CCM2: variants seen among roughly 807,000 people sequenced by gnomAD.
CCM2 encodes cerebral cavernous malformations 2 protein.
In CCM2, 25 loss-of-function variants were observed where a neutral mutation model predicts 44.9. The ratio of observed to expected loss-of-function variants is 0.56; its 90% CI spans 0.41 to 0.78. The LOEUF (loss-of-function observed/expected upper bound fraction) is 0.78, where lower values mean the gene tolerates loss of function less well. Ranked by LOEUF, CCM2 falls within the 30% of genes least tolerant of loss-of-function variation. The pLI is 0.00. For synonymous variants in CCM2, 219 were observed against 241.1 expected, an observed-to-expected ratio of 0.91 and a Z score of 0.85; for missense variants, 481 against 580.6, an observed-to-expected ratio of 0.83 and a Z score of 1.76.
At chr7:45,073,236 C>T (rs553245516) in intron 7 of CCM2, 6 of 604,522 alleles carry the variant, frequency 9.9e-6, no homozygotes, top group East Asian at 8.4e-5. Flanking sequence ...CCTCTCTTCA[C>T]TCAGAGCCCA....
intron 7 of CCM2, chr7:45,073,230 T>A (rs1016651302): frequency 1.0e-4 from 62 of 600,836 alleles, no homozygotes; most frequent in African/African-American, 9.6e-4. Flanking sequence ...GTACTCCCTC[T>A]CTTCACTCAG....
intron 2 of CCM2, among the ~76,000 whole-genome samples, chr7:45,049,374 A>C (rs1375757684): frequency 6.6e-6 from 1 of 152,248 alleles, no homozygotes; most frequent in Non-Finnish European, 1.5e-5. Flanking sequence ...GGAATTGCTG[A>C]CACCAGCTTC....
At chr7:45,007,043 T>C (rs1795874251) in intron 1 of CCM2, among the ~76,000 whole-genome samples, 1 of 152,180 alleles carries the variant, frequency 6.6e-6, no homozygotes, top group Non-Finnish European at 1.5e-5. Context: ...TTGCTGGTCA[T>C]TCTGGCCTCA....
intron 2 of CCM2, among the ~76,000 whole-genome samples, chr7:45,045,576 G>A (rs571288707): frequency 1.3e-5 from 2 of 152,330 alleles, no homozygotes; most frequent in South Asian, 2.1e-4. Flanking sequence ...TGGATCACAA[G>A]GTCAGGAGAT....
chr7:45,037,056 A>G (rs558926115), intron 1 of CCM2, among the ~76,000 whole-genome samples: 91 of 152,190 alleles, frequency 6.0e-4, no homozygotes, highest in Non-Finnish European at 1.1e-3. Context: ...CTGCGGCTGC[A>G]CATCAGTGTC....
chr7:45,053,021 GC>G (rs1798084302), intron 2 of CCM2, among the ~76,000 whole-genome samples: 1 of 152,202 alleles, frequency 6.6e-6, no homozygotes. Context: ...TGGGCAGATG[GC>G]CACCAGTGGA....
chr7:45,068,633 A>G (rs948068706), intron 5 of CCM2, 54 bp downstream of exon 5: 2 of 1,609,368 alleles, frequency 1.2e-6, no homozygotes, highest in Admixed American at 1.7e-5. Flanking sequence ...GACCCTGCTC[A>G]TGGCCAGCCC....
At chr7:45,003,851 T>C (rs537229867) in intron 1 of CCM2, among the ~76,000 whole-genome samples, 1 of 152,338 alleles carries the variant, frequency 6.6e-6, no homozygotes, top group South Asian at 2.1e-4. Context: ...TAAATATTTT[T>C]ACATTCATCT....
rs1798988505 is a variant in CCM2 at position 45,070,074 on chromosome 7, T to C, written c.745+113T>C. 14 of 1,388,096 alleles carry C rather than the reference T, an allele frequency of 1.0e-5. No individual in the cohort carries two copies. In the South Asian group the frequency reaches 1.5e-4, roughly 14 times the overall value. The allele number at this position is 1,388,096 out of a possible 1,614,324, so 86.0% of individuals were successfully genotyped here. ...GAATAGCGCAGTTACTGCCGTGACA[T>C]GGTGGCCTTTTGTTTCCAGACTTTG... is the stretch of plus-strand genomic sequence containing the variant. On this transcript the variant is annotated intron_variant, in intron 6 of 9. Transcript: ENST00000258781.
At chr7:45,071,343 A>G (rs1799061891) in intron 6 of CCM2, 1 of 157,052 alleles carries the variant, frequency 6.4e-6, no homozygotes, top group African/African-American at 2.4e-5. Flanking sequence ...GTACAGTTGA[A>G]TGAATTTTCA....
rs528745741 is a variant in CCM2, at chr7:45,064,765, A to G, written c.472+119A>G. The G allele has an allele frequency of 3.9e-6, 4 of 1,028,370 alleles. No homozygotes were observed. The highest frequency in any genetic ancestry group is 5.8e-6 in the Non-Finnish European group (4 of 685,044). 63.7% of individuals were successfully genotyped at this position (1,028,370 alleles called of 1,614,324 possible). ...TGGGTGCTGCTGTTTGTCACGACCA[A>G]TAATTGTCTTTCCTGTCTCTGAGAT... On this transcript the variant is annotated intron_variant, in intron 4 of 9. Transcript: ENST00000258781.
At chr7:45,008,572 G>A (rs1795941234) in intron 1 of CCM2, among the ~76,000 whole-genome samples, 1 of 151,598 alleles carries the variant, frequency 6.6e-6, no homozygotes, top group Non-Finnish European at 1.5e-5. Flanking sequence ...ATGTGGGTCA[G>A]ACTGGTCTCA....
intron 1 of CCM2, among the ~76,000 whole-genome samples, chr7:45,024,977 T>C (rs905966515): frequency 2.6e-5 from 4 of 152,228 alleles, no homozygotes; most frequent in Non-Finnish European, 5.9e-5. Context: ...CTTATTCTCC[T>C]CTTAGGAAAC....
At chr7:45,004,593 C>T (rs537391430) in intron 1 of CCM2, among the ~76,000 whole-genome samples, 34 of 152,350 alleles carry the variant, frequency 2.2e-4, no homozygotes, top group African/African-American at 6.5e-4. Context: ...GAAGCCATAC[C>T]TTCTCCATGC....
intron 2 of CCM2, among the ~76,000 whole-genome samples, chr7:45,041,397 A>G (rs1487584128): frequency 6.6e-6 from 1 of 152,206 alleles, no homozygotes; most frequent in Admixed American, 6.5e-5. Context: ...TAACGTAAGA[A>G]CACTCTGAAA....
intron 2 of CCM2, among the ~76,000 whole-genome samples, chr7:45,050,002 A>G (rs1429759384): frequency 4.6e-5 from 7 of 152,264 alleles, no homozygotes; most frequent in Non-Finnish European, 1.0e-4. Flanking sequence ...ATATAACAAC[A>G]TATTGGTCAA....
At chr7:45,066,902 T>A (rs920821404) in intron 4 of CCM2, among the ~76,000 whole-genome samples, 12 of 80,312 alleles carry the variant, frequency 1.5e-4, no homozygotes, top group East Asian at 3.1e-4. Context: ...AACCAGTAAA[T>A]TTTTTTTTTT....
chr7:45,005,414 G>A (rs781299337), intron 1 of CCM2, among the ~76,000 whole-genome samples: 4 of 152,232 alleles, frequency 2.6e-5, no homozygotes, highest in Non-Finnish European at 4.4e-5. Context: ...AAAGCAAAAC[G>A]TTTCTCTTAG....
intron 1 of CCM2, among the ~76,000 whole-genome samples, chr7:45,038,008 A>G (rs2128728912): frequency 6.6e-6 from 1 of 152,268 alleles, no homozygotes; most frequent in Admixed American, 6.5e-5. Flanking sequence ...GGAACAGGTG[A>G]AGAACAAGGT....
Sources: gnomAD v4.1 joint callset for allele counts (sites outside exome capture counted in the v4.1 genomes callset) on GRCh38, gnomAD v4.1.1 for gene constraint, MANE v1.5 for transcripts, NCBI Gene and HGNC (gene_info 2026-07-23, HGNC 2026-07-21) for gene names.